Variants in ZNF407 observed in about 807,000 individuals in gnomAD.
The protein encoded by ZNF407 is zinc finger protein 407.
Under a neutral mutation model 131.2 loss-of-function variants are expected in ZNF407, and 17 were observed. The ratio of observed to expected loss-of-function variants is 0.13; its 90% CI spans 0.09 to 0.19. ZNF407 has a LOEUF of 0.19. Among genes scored for constraint, ZNF407 ranks in the 10% least tolerant of loss-of-function variants. The probability of loss-of-function intolerance (pLI) is 1.00; values close to 1 mark genes in which losing one functional copy is unlikely to be tolerated. For missense variants in ZNF407, 2,681 were observed against 2,830.6 expected (o/e 0.95, Z 1.20); for synonymous variants, 1,156 against 1,062.0 (o/e 1.09, Z -1.72).
chr18:74,969,754 C>T (rs1228946866), intron 8 of ZNF407, among the ~76,000 whole-genome samples: 2 of 152,164 alleles, frequency 1.3e-5, no homozygotes, highest in African/African-American at 4.8e-5. Context: ...TCCACACGGA[C>T]CTTGGGGTAG....
intron 3 of ZNF407, among the ~76,000 whole-genome samples, chr18:74,736,430 T>G (rs1314462685): frequency 6.6e-6 from 1 of 152,200 alleles, no homozygotes; most frequent in East Asian, 1.9e-4. Context: ...GTTAACTCAT[T>G]GGAGCTTAAA....
chr18:74,790,133 T>C (rs971321367), intron 4 of ZNF407, among the ~76,000 whole-genome samples: 1 of 152,128 alleles, frequency 6.6e-6, no homozygotes, highest in Non-Finnish European at 1.5e-5. Context: ...TCCTTCCATC[T>C]CCCCAGAAAG....
chr18:74,979,759 A>G (rs1050523395), intron 8 of ZNF407, among the ~76,000 whole-genome samples: 1 of 152,214 alleles, frequency 6.6e-6, no homozygotes, highest in African/African-American at 2.4e-5. Context: ...GAAGTATAAA[A>G]TAAAATAAAA....
At chr18:75,042,918 G>A (rs966482660) in intron 8 of ZNF407, among the ~76,000 whole-genome samples, 15 of 152,296 alleles carry the variant, frequency 9.8e-5, no homozygotes, top group East Asian at 1.9e-4. Flanking sequence ...CGTCGCATGC[G>A]TGTACCAGTA....
intron 3 of ZNF407, among the ~76,000 whole-genome samples, chr18:74,739,726 T>G (rs1968504389): frequency 6.6e-6 from 1 of 152,138 alleles, no homozygotes; most frequent in Non-Finnish European, 1.5e-5. Context: ...TCCAATCTAT[T>G]TTAGTTTTTG....
chr18:74,926,442 C>G (rs1360764969), intron 8 of ZNF407, among the ~76,000 whole-genome samples: 1 of 152,170 alleles, frequency 6.6e-6, no homozygotes, highest in Non-Finnish European at 1.5e-5. Flanking sequence ...ACCTGACCTC[C>G]ACCTCTTTTT....
chr18:74,924,319 T>C (rs1350058608), intron 8 of ZNF407, among the ~76,000 whole-genome samples: 1 of 151,862 alleles, frequency 6.6e-6, no homozygotes. Flanking sequence ...TTCTTTTCTG[T>C]ATATACTTAA....
At chr18:74,810,578 T>G (rs1568226230) in intron 4 of ZNF407, among the ~76,000 whole-genome samples, 2 of 152,234 alleles carry the variant, frequency 1.3e-5, no homozygotes, top group South Asian at 4.1e-4. Context: ...ACACTTTTAT[T>G]TATTCCTAGT....
intron 3 of ZNF407, among the ~76,000 whole-genome samples, chr18:74,664,593 C>T (rs1985854751): frequency 6.6e-6 from 1 of 152,202 alleles, no homozygotes; most frequent in Non-Finnish European, 1.5e-5. Flanking sequence ...ACTTTAAATC[C>T]AATGGCTGAT....
At chr18:75,056,350 T>C (rs1327615230) in intron 8 of ZNF407, among the ~76,000 whole-genome samples, 1 of 152,244 alleles carries the variant, frequency 6.6e-6, no homozygotes, top group Non-Finnish European at 1.5e-5. Flanking sequence ...TGGAGAAACA[T>C]GAGGTACTGA....
chr18:74,721,385 C>G (rs1026101742), intron 3 of ZNF407, among the ~76,000 whole-genome samples: 1 of 150,616 alleles, frequency 6.6e-6, no homozygotes, highest in Non-Finnish European at 1.5e-5. Flanking sequence ...AGTGGAAGTC[C>G]TAGGCAGGCA....
At chr18:74,822,244 T>G (rs545466811) in intron 4 of ZNF407, among the ~76,000 whole-genome samples, 1 of 152,236 alleles carries the variant, frequency 6.6e-6, no homozygotes, top group Non-Finnish European at 1.5e-5. Flanking sequence ...TAATTTCTTT[T>G]GCTGTGCAGA....
Position 74,635,185 on chromosome 18 carries a change from T to C in ZNF407, c.4166T>C (p.Leu1389Pro). ...GCAACGGGAGTGAGAATTAGTGAGC[T>C]GCCCTTGAAAGACTGTGCTCAAGGT... The part of the protein sequence containing the change: ...LIATGVRISE[L>P]PLKDCAQGVK... Residue 1389 changes from leucine (L) to proline (P), a missense_variant, in exon 2 of 9, where the codon CTG becomes CCG. Coordinates refer to ENST00000299687, the MANE Select transcript of ZNF407 (RefSeq NM_017757.3). This position sits in a 1 kb window ranked among gnomAD's most constrained non-coding sequence, Gnocchi z 4.7. 6.2e-7 allele frequency: 1 copy of C among 1,614,004 alleles called. No homozygotes were observed. Among genetic ancestry groups the C allele is most frequent in the South Asian group, 1.1e-5 (1 of 91,088 alleles).
chr18:74,823,695 C>T lies in ZNF407; in HGVS notation c.4877+42193C>T, dbSNP rs561974227. Among the ~76,000 whole-genome samples, 14 of 152,304 alleles carry T rather than the reference C, an allele frequency of 9.2e-5. 1 individual carries two copies. Among genetic ancestry groups the T allele is most frequent in the African/African-American group, 3.4e-4 (14 of 41,578 alleles). On this transcript the variant is annotated intron_variant, in intron 4 of 8. Coordinates refer to ENST00000299687, the MANE Select transcript of ZNF407 (RefSeq NM_017757.3). ...AATATGTATGCACCCAATACGGGAA[C>T]ACCCAGATTCATAAAGCAAGTTCTT...
In ZNF407 at chr18:74,969,654, T is replaced by A. The variant is rs1001823370; in HGVS notation, c.5428+48962T>A. Among the ~76,000 whole-genome samples, 5 of 152,278 alleles carry A rather than the reference T, an allele frequency of 3.3e-5. No individual in the cohort carries two copies. In the East Asian group the frequency reaches 9.7e-4, roughly 29 times the overall value. ...TCCCTGGCCTGTGCACCTGGCCACC[T>A]TCGTGTCACCTGCAAGGGGAAGAGG... On this transcript the variant is annotated intron_variant, in intron 8 of 8. Transcript: ENST00000299687.
At chr18:74,885,297 A>G (rs1165731800) in intron 6 of ZNF407, among the ~76,000 whole-genome samples, 1 of 152,204 alleles carries the variant, frequency 6.6e-6, no homozygotes, top group African/African-American at 2.4e-5. Context: ...TAAAGTTAAT[A>G]AACGATGTGC....
At chr18:74,781,643 T>C (rs950376354) in intron 4 of ZNF407, 141 bp downstream of exon 4, 4 of 590,962 alleles carry the variant, frequency 6.8e-6, no homozygotes, top group Non-Finnish European at 1.1e-5. Context: ...TCAAATATCA[T>C]ATTTTATGCC....
At chr18:74,882,310 C>T (rs781145081) in intron 6 of ZNF407, among the ~76,000 whole-genome samples, 24 of 152,096 alleles carry the variant, frequency 1.6e-4, no homozygotes, top group Non-Finnish European at 2.9e-4. Flanking sequence ...CACTTTTTTA[C>T]TCTAAATGTG....
intron 4 of ZNF407, among the ~76,000 whole-genome samples, chr18:74,859,229 C>A (rs1970902818): frequency 6.6e-6 from 1 of 152,170 alleles, no homozygotes; most frequent in African/African-American, 2.4e-5. Context: ...GTGTTTATGA[C>A]TTCTAATTGT....
Sources: allele counts gnomAD v4.1 joint callset (sites outside exome capture counted in the v4.1 genomes callset), GRCh38; gene constraint gnomAD v4.1.1; non-coding constraint Gnocchi (gnomAD v3.1); transcripts MANE v1.5; gene names NCBI Gene and HGNC (gene_info 2026-07-23, HGNC 2026-07-21).